KANK4: variants seen among roughly 807,000 people sequenced by gnomAD.
The protein encoded by KANK4 is KN motif and ankyrin repeat domain-containing protein 4.
In KANK4, 50 loss-of-function variants were observed where a neutral mutation model predicts 80.8. The observed-to-expected ratio is 0.62, with a 90% CI of 0.49 to 0.78. KANK4 has a LOEUF of 0.78. KANK4 is among the 30% of genes least tolerant of loss of function. The probability of loss-of-function intolerance (pLI) is 0.00; values close to 1 mark genes in which losing one functional copy is unlikely to be tolerated. For synonymous variants in KANK4, 465 were observed against 506.9 expected, an observed-to-expected ratio of 0.92 and a Z score of 1.11; for missense variants, 1,196 against 1,240.1, an observed-to-expected ratio of 0.96 and a Z score of 0.53.
Position 62,236,243 on chromosome 1 carries a change from A to G in KANK4, c.*2034T>C, listed in dbSNP as rs1293111268. On this transcript the variant is annotated 3_prime_UTR_variant, in exon 10 of 10. Transcript: ENST00000371153. ...ACTCAAAGTGTGGTTGTGGCTCGATAGCATCAGCATCTCCCAGGACCTGGT... is the reference window on the plus strand; with the variant it reads ...ACTCAAAGTGTGGTTGTGGCTCGATGGCATCAGCATCTCCCAGGACCTGGT... 2.6e-5 allele frequency among the ~76,000 whole-genome samples: 4 copies of G among 152,190 alleles called. No individual in the cohort carries two copies. The highest frequency in any genetic ancestry group is 9.7e-5 in the African/African-American group (4 of 41,440).
In KANK4 at chr1:62,271,471, T is replaced by G. The variant is rs368509323; in HGVS notation, c.2012+7A>C. On this transcript the variant is annotated splice_region_variant and intron_variant, in intron 4 of 9. Coordinates refer to ENST00000371153, the MANE Select transcript of KANK4 (RefSeq NM_181712.5). ...AAGGCAGTCTGAGCTTCACAAGCGA[T>G]GCTTACCCACCGTTAACCCCAACAA... The G allele has an allele frequency of 6.3e-7, 1 of 1,590,002 alleles. No individual in the cohort carries two copies. The highest frequency in any genetic ancestry group is 8.6e-7 in the Non-Finnish European group (1 of 1,158,252).
At position 62,281,573 on chromosome 1, in the gene KANK4, C is replaced by A. The variant is rs763507735; in HGVS notation, c.-9G>T. The A allele has an allele frequency of 6.2e-7, 1 of 1,614,036 alleles. No homozygotes were observed. Among genetic ancestry groups the A allele is most frequent in the African/African-American group, 1.3e-5 (1 of 74,922 alleles). ...CCATCTGTCTTCTCCATCTTTGGAG[C>A]GCTGACCCTCAGTGTCTCAGGCACT... On this transcript the variant is annotated 5_prime_UTR_variant, in exon 2 of 10. Transcript: ENST00000371153.
chr1:62,276,048 T>C (rs1571008336), intron 2 of KANK4, among the ~76,000 whole-genome samples: 1 of 151,662 alleles, frequency 6.6e-6, no homozygotes, highest in Admixed American at 6.6e-5. Context: ...CCAAGAAGAA[T>C]GGGACTTGAC....
At chr1:62,246,877 C>T (rs1671479028) in intron 9 of KANK4, among the ~76,000 whole-genome samples, 2 of 152,050 alleles carry the variant, frequency 1.3e-5, no homozygotes, top group Admixed American at 6.6e-5. Flanking sequence ...TCTCCTGCCT[C>T]AGCCTCCTGA....
intron 8 of KANK4, among the ~76,000 whole-genome samples, chr1:62,251,535 G>A (rs1671617239): frequency 6.6e-6 from 1 of 152,140 alleles, no homozygotes; most frequent in East Asian, 1.9e-4. Flanking sequence ...GTGGAGCCTT[G>A]TCTAACTCAA....
intron 1 of KANK4, among the ~76,000 whole-genome samples, chr1:62,294,458 A>C (rs577247530): frequency 1.3e-5 from 2 of 152,192 alleles, no homozygotes; most frequent in Non-Finnish European, 2.9e-5. Context: ...AATTCAGCAG[A>C]TGCCTCTGCA....
At chr1:62,286,607 T>G (rs904020211) in intron 1 of KANK4, among the ~76,000 whole-genome samples, 5 of 152,230 alleles carry the variant, frequency 3.3e-5, no homozygotes, top group African/African-American at 2.4e-5. Flanking sequence ...TCTGAGCAGC[T>G]ATAATTAATT....
chr1:62,288,972 C>T (rs1230329979), intron 1 of KANK4, among the ~76,000 whole-genome samples: 1 of 152,168 alleles, frequency 6.6e-6, no homozygotes, highest in Non-Finnish European at 1.5e-5. Flanking sequence ...TAAATCCTGA[C>T]ATGCCATACC....
At position 62,263,271 on chromosome 1, in the gene KANK4, A is replaced by G. The variant is rs1671937443; in HGVS notation, c.2360T>C (p.Val787Ala). ...GGGGCTAGACGACTTCCGGCTGGAG[A>G]CGCGGAACCACTCTTGACTGATGGT... Reference protein sequence around the residue: ...LNTISQEWFRVSSRKSSSPAV... With the variant: ...LNTISQEWFRASSRKSSSPAV... Residue 787 changes from valine to alanine, a missense_variant, in exon 7 of 10, where the codon GTC becomes GCC. Transcript: ENST00000371153. 1 of 1,613,298 alleles carries G rather than the reference A, an allele frequency of 6.2e-7. No individual in the cohort carries two copies. The highest frequency in any genetic ancestry group is 1.3e-5 in the African/African-American group (1 of 74,962).
intron 1 of KANK4, among the ~76,000 whole-genome samples, chr1:62,289,683 T>G (rs1672640946): frequency 1.3e-5 from 2 of 152,166 alleles, no homozygotes; most frequent in Admixed American, 1.3e-4. Flanking sequence ...TCCTTGGTGG[T>G]CTAGGAATCA....
chr1:62,255,885 A>G (rs1452823047), intron 7 of KANK4, among the ~76,000 whole-genome samples: 1 of 152,140 alleles, frequency 6.6e-6, no homozygotes, highest in Non-Finnish European at 1.5e-5. Context: ...CTTGAGCTCA[A>G]GCCATCCATC....
rs560912788 is a variant in KANK4, at chr1:62,254,727, A to T, written c.2540-1518T>A. On this transcript the variant is annotated intron_variant, in intron 7 of 9. Coordinates refer to ENST00000371153, the MANE Select transcript of KANK4 (RefSeq NM_181712.5). The stretch of plus-strand genomic sequence containing the variant: ...CATCACCACGCTCAGCTGATTTTTT[A>T]TTTTTTTTTAATGTATTTTTAGTAG... Among the ~76,000 whole-genome samples the T allele has an allele frequency of 8.5e-3, 1,208 of 141,692 alleles. 16 individuals carry two copies. The highest frequency in any genetic ancestry group is 0.031 in the African/African-American group (1,146 of 37,546). The allele number at this position is 141,692 out of a possible 152,430, so 93.0% of individuals were successfully genotyped here. A position where few individuals can be genotyped will look rare whatever the true frequency, so the allele number is the denominator to read the frequency against.
rs1340211051 is a variant in KANK4 at position 62,253,218 on chromosome 1, G to T, written c.2540-9C>A. 5.0e-6 allele frequency: 8 copies of T among 1,601,152 alleles called. No homozygotes were observed. Among genetic ancestry groups the T allele is most frequent in the Non-Finnish European group, 6.8e-6 (8 of 1,176,202 alleles). On this transcript the variant is annotated splice_polypyrimidine_tract_variant and intron_variant, in intron 7 of 9. Coordinates refer to ENST00000371153, the MANE Select transcript of KANK4 (RefSeq NM_181712.5). ...GTCCACATTGCAGACGCCTGCAAGA[G>T]AAGCAATGGGTGCTGCAAAGGCTCC...
intron 8 of KANK4, among the ~76,000 whole-genome samples, chr1:62,251,730 A>C (rs1240483700): frequency 6.6e-6 from 1 of 152,210 alleles, no homozygotes; most frequent in Non-Finnish European, 1.5e-5. Context: ...GCGGTGGCTC[A>C]CGCCTGTAAT....
chr1:62,299,835 T>C (rs537892062), intron 1 of KANK4, among the ~76,000 whole-genome samples: 2 of 152,150 alleles, frequency 1.3e-5, no homozygotes, highest in Non-Finnish European at 2.9e-5. Context: ...TGGACTTTTC[T>C]TTTTTAAAAG....
chr1:62,289,370 C>T (rs146658449), intron 1 of KANK4, among the ~76,000 whole-genome samples: 44 of 152,282 alleles, frequency 2.9e-4, no homozygotes, highest in African/African-American at 1.0e-3. Flanking sequence ...AACCATGGTA[C>T]AGCAGACTCT....
At chr1:62,285,452 C>G (rs1420770463) in intron 1 of KANK4, among the ~76,000 whole-genome samples, 2 of 152,224 alleles carry the variant, frequency 1.3e-5, no homozygotes, top group Non-Finnish European at 2.9e-5. Flanking sequence ...CATTTTCAAG[C>G]TCATTTCTAA....
chr1:62,280,163 T>C (rs1293985881), intron 2 of KANK4, among the ~76,000 whole-genome samples: 3 of 152,012 alleles, frequency 2.0e-5, no homozygotes, highest in Non-Finnish European at 2.9e-5. Flanking sequence ...AGAAAGTGGC[T>C]GAAAATAAAG....
At chr1:62,291,176 A>G (rs1036943149) in intron 1 of KANK4, among the ~76,000 whole-genome samples, 9 of 152,096 alleles carry the variant, frequency 5.9e-5, no homozygotes, top group African/African-American at 1.7e-4. Context: ...CATTTCCCCA[A>G]TGACTAATTG....
Sources: gnomAD v4.1 joint callset for allele counts (sites outside exome capture counted in the v4.1 genomes callset) on GRCh38, gnomAD v4.1.1 for gene constraint, MANE v1.5 for transcripts, NCBI Gene and HGNC (gene_info 2026-07-23, HGNC 2026-07-21) for gene names.